Variants in LMNB1 observed in about 807,000 individuals in gnomAD.
LMNB1 encodes lamin-B1.
Under a neutral mutation model 67.1 loss-of-function variants are expected in LMNB1, and 23 were observed. The observed-to-expected ratio is 0.34, with a 90% CI of 0.25 to 0.49. LMNB1 has a LOEUF of 0.49. Among genes scored for constraint, LMNB1 ranks in the 20% least tolerant of loss-of-function variants. The pLI is 0.99. For synonymous variants in LMNB1, 281 were observed against 282.9 expected, an observed-to-expected ratio of 0.99 and a Z score of 0.07; for missense variants, 634 against 746.5, an observed-to-expected ratio of 0.85 and a Z score of 1.76.
Position 126,777,603 on chromosome 5 carries a change from A to T in LMNB1, c.95A>T (p.Glu32Val), listed in dbSNP as rs1750497079. 6.5e-7 allele frequency: 1 copy of T among 1,534,996 alleles called. No homozygotes were observed. Among genetic ancestry groups the T allele is most frequent in the Admixed American group, 2.0e-5 (1 of 50,020 alleles). The change falls in exon 1 of 11, where the codon GAG (glutamate) becomes GTG (valine). Residue 32 changes from glutamate (E) to valine (V), a missense_variant. Glu to Val is a moderately radical substitution (Grantham distance 121). Coordinates refer to ENST00000261366, the MANE Select transcript of LMNB1 (RefSeq NM_005573.4). ...LSPTRLSRLQ[E>V]KEELRELNDR... ...CCCACGCGCCTGTCGCGGCTCCAGG[A>T]GAAGGAGGAGCTGCGCGAGCTCAAT...
chr5:126,801,770 G>A, intron 1 of LMNB1, among the ~76,000 whole-genome samples: 1 of 152,222 alleles, frequency 6.6e-6, no homozygotes, highest in East Asian at 1.9e-4. Context: ...GGAAGGCACA[G>A]GTCATTCTCC....
At chr5:126,797,305 A>G (rs1402232326) in intron 1 of LMNB1, among the ~76,000 whole-genome samples, 1 of 152,148 alleles carries the variant, frequency 6.6e-6, no homozygotes, top group Non-Finnish European at 1.5e-5. Context: ...GCAAATGGGT[A>G]TGTTTTGTGA....
chr5:126,784,014 ATTTTTTTTTTTTTTTT>A (rs61578729), intron 1 of LMNB1, among the ~76,000 whole-genome samples: 3 of 59,438 alleles, frequency 5.0e-5, no homozygotes, highest in Admixed American at 2.5e-4. Context: ...CTGTCATTTG[ATTTTTTTTTTTTTTTT>A]TTTTTTTTTT....
intron 1 of LMNB1, among the ~76,000 whole-genome samples, chr5:126,785,930 C>T (rs1449629960): frequency 6.6e-6 from 1 of 151,596 alleles, no homozygotes. Context: ...AGGAGAACTG[C>T]TTGAACCTGG....
intron 1 of LMNB1, among the ~76,000 whole-genome samples, chr5:126,799,021 T>C (rs1469224478): frequency 3.6e-4 from 24 of 66,322 alleles, no homozygotes; most frequent in Admixed American, 2.8e-3. Context: ...ATGCATTGAC[T>C]TTTTTTTTTT....
chr5:126,788,608 G>A (rs35500127), intron 1 of LMNB1, among the ~76,000 whole-genome samples: 31,169 of 152,124 alleles, frequency 0.2, 3,314 homozygotes, highest in East Asian at 0.3. Flanking sequence ...AGCTGAGATT[G>A]CGCCTCTGCA....
chr5:126,825,791 C>T (rs751681884), intron 8 of LMNB1, among the ~76,000 whole-genome samples, 197 bp from the exon 9 acceptor site: 3 of 152,172 alleles, frequency 2.0e-5, no homozygotes, highest in Non-Finnish European at 4.4e-5. Context: ...TTATCATCTT[C>T]ACTTATCAGA....
At chr5:126,786,632 C>T (rs1031006041) in intron 1 of LMNB1, among the ~76,000 whole-genome samples, 5 of 152,340 alleles carry the variant, frequency 3.3e-5, no homozygotes, top group Non-Finnish European at 7.3e-5. Flanking sequence ...GGTTTACCGA[C>T]ATGTAGCAGG....
At chr5:126,828,328 AGT>A (rs1752046859) in intron 9 of LMNB1, among the ~76,000 whole-genome samples, 1 of 152,108 alleles carries the variant, frequency 6.6e-6, no homozygotes, top group South Asian at 2.1e-4. Context: ...TCTCTGTGAA[AGT>A]GTGTTCCAAG....
At chr5:126,796,590 A>G (rs1227488887) in intron 1 of LMNB1, among the ~76,000 whole-genome samples, 3 of 152,148 alleles carry the variant, frequency 2.0e-5, no homozygotes, top group Middle Eastern at 3.2e-3. Context: ...GTGTTAACCA[A>G]CTGGATTTAG....
chr5:126,780,709 T>C (rs999207797), intron 1 of LMNB1, among the ~76,000 whole-genome samples: 2 of 152,188 alleles, frequency 1.3e-5, no homozygotes, highest in East Asian at 3.8e-4. Flanking sequence ...CTACTGTATG[T>C]ATATTCCTAT....
intron 9 of LMNB1, among the ~76,000 whole-genome samples, chr5:126,830,157 G>C (rs1432115769): frequency 3.9e-5 from 6 of 152,234 alleles, no homozygotes; most frequent in Non-Finnish European, 8.8e-5. Context: ...TACTGTGGCT[G>C]ATGCCAGGCT....
intron 5 of LMNB1, among the ~76,000 whole-genome samples, chr5:126,814,233 G>A (rs1015571321): frequency 5.9e-5 from 9 of 152,100 alleles, no homozygotes; most frequent in African/African-American, 2.2e-4. Flanking sequence ...CCAAAAATGG[G>A]CCTCTCTGTT....
chr5:126,787,435 TTATATG>T (rs1040485425), intron 1 of LMNB1, among the ~76,000 whole-genome samples: 4 of 109,716 alleles, frequency 3.6e-5, no homozygotes, highest in Non-Finnish European at 6.3e-5. Flanking sequence ...TATATACATC[TTATATG>T]TATATGTTAT....
chr5:126,819,131 C>G lies in LMNB1; in HGVS notation c.1149C>G (p.Gly383=). The G allele has an allele frequency of 3.7e-6, 6 of 1,613,354 alleles. No homozygotes were observed. The highest frequency in any genetic ancestry group is 1.1e-5 in the South Asian group (1 of 91,040). The change falls in exon 6 of 11, where the codon GGC becomes GGG. Residue 383 remains glycine (G), a synonymous_variant. Coordinates refer to ENST00000261366, the MANE Select transcript of LMNB1 (RefSeq NM_005573.4). The part of the protein sequence containing the change: ...EISAYRKLLE[G]EEERLKLSPS... ...GTGCTTACAGGAAACTCTTAGAAGG[C>G]GAAGAAGAGAGGTAAGGAACTTAAG...
intron 1 of LMNB1, among the ~76,000 whole-genome samples, chr5:126,790,021 C>G (rs1750911307): frequency 6.6e-6 from 1 of 151,870 alleles, no homozygotes; most frequent in African/African-American, 2.4e-5. Flanking sequence ...TTAGGCTGGT[C>G]TTGAACTCCC....
At position 126,805,473 on chromosome 5, in the gene LMNB1, AT is replaced by A. The variant is rs528906901; in HGVS notation, c.517-94del. ...ATTATACATTGATAAATATATAGGAATTTTAACACTTGATTTGATTTGATTC... is the reference window on the plus strand; with the variant it reads ...ATTATACATTGATAAATATATAGGAATTTAACACTTGATTTGATTTGATTC... On this transcript the variant is annotated intron_variant, in intron 2 of 10. Transcript: ENST00000261366. 3.7e-4 allele frequency: 305 copies of A among 813,578 alleles called. 2 individuals are homozygous for A. Among genetic ancestry groups the A allele is most frequent in the Non-Finnish European group, 5.2e-4 (270 of 516,956 alleles). The allele number at this position is 813,578 out of a possible 1,614,324, so 50.4% of individuals were successfully genotyped here.
chr5:126,787,546 A>ATATATTTTTTTTT, intron 1 of LMNB1, among the ~76,000 whole-genome samples: 23 of 65,566 alleles, frequency 3.5e-4, no homozygotes, highest in African/African-American at 3.9e-4. Flanking sequence ...ATATATATAT[A>ATATATTTTTTTTT]TTTTTTTTTT....
intron 1 of LMNB1, among the ~76,000 whole-genome samples, chr5:126,778,505 G>A (rs937685018): frequency 4.5e-4 from 69 of 152,208 alleles, no homozygotes; most frequent in African/African-American, 1.6e-3. Context: ...AGAGAGAGGC[G>A]GAGCTTGATC....
Sources: allele counts gnomAD v4.1 joint callset (sites outside exome capture counted in the v4.1 genomes callset), GRCh38; gene constraint gnomAD v4.1.1; transcripts MANE v1.5; gene names NCBI Gene and HGNC (gene_info 2026-07-23, HGNC 2026-07-21).